Variants in ASTN2 observed in about 807,000 individuals in gnomAD.
ASTN2 encodes the protein astrotactin 2.
Under a neutral mutation model 139.8 loss-of-function variants are expected in ASTN2, and 54 were observed. That is an observed-to-expected ratio of 0.39 (90% CI 0.31 to 0.48). The LOEUF (loss-of-function observed/expected upper bound fraction) is 0.48, where lower values mean the gene tolerates loss of function less well. Ranked by LOEUF, ASTN2 falls within the 20% of genes least tolerant of loss-of-function variation. ASTN2 has a pLI of 0.95. For missense variants in ASTN2, 1,565 were observed against 1,725.1 expected (o/e 0.91, Z 1.64); for synonymous variants, 756 against 719.5 (o/e 1.05, Z -0.81).
chr9:116,501,193 A>G (rs1242120343), intron 19 of ASTN2, among the ~76,000 whole-genome samples: 1 of 152,216 alleles, frequency 6.6e-6, no homozygotes, highest in African/African-American at 2.4e-5. Flanking sequence ...AATCTCTGGG[A>G]ACCCAAAAGC....
intron 22 of ASTN2, among the ~76,000 whole-genome samples, chr9:116,427,971 C>T (rs1847362163): frequency 6.6e-6 from 1 of 152,180 alleles, no homozygotes; most frequent in Admixed American, 6.5e-5. Context: ...AAAAATGAGG[C>T]TGTTGTGAAG....
At chr9:116,827,428 G>T (rs1183316283) in intron 11 of ASTN2, among the ~76,000 whole-genome samples, 1 of 150,656 alleles carries the variant, frequency 6.6e-6, no homozygotes, top group Non-Finnish European at 1.5e-5. Flanking sequence ...GACCCAAAAA[G>T]CAATGCAAAG....
At chr9:117,374,480 G>C (rs1382219556) in intron 1 of ASTN2, among the ~76,000 whole-genome samples, 1 of 151,736 alleles carries the variant, frequency 6.6e-6, no homozygotes, top group African/African-American at 2.4e-5. Flanking sequence ...ACTTAATCTG[G>C]ACCACAATAA....
At chr9:116,784,716 A>C (rs981564503) in intron 13 of ASTN2, among the ~76,000 whole-genome samples, 2 of 152,000 alleles carry the variant, frequency 1.3e-5, no homozygotes, top group African/African-American at 2.4e-5. Flanking sequence ...AATCACCTGA[A>C]GTTGGGAGTT....
chr9:117,330,729 C>T (rs541193277), intron 1 of ASTN2, among the ~76,000 whole-genome samples: 1 of 152,308 alleles, frequency 6.6e-6, no homozygotes, highest in South Asian at 2.1e-4. Context: ...TAATAGGAAA[C>T]CCCAAATTCA....
intron 20 of ASTN2, among the ~76,000 whole-genome samples, chr9:116,462,617 C>G (rs1848522076): frequency 2.0e-5 from 3 of 152,132 alleles, no homozygotes; most frequent in Admixed American, 2.0e-4. Context: ...TCACTGTTGA[C>G]TCCCTGACTC....
intron 13 of ASTN2, among the ~76,000 whole-genome samples, chr9:116,803,465 A>G (rs942221341): frequency 6.6e-5 from 9 of 136,148 alleles, no homozygotes; most frequent in East Asian, 2.1e-4. Flanking sequence ...ACAGACATGT[A>G]CCACCAAGTT....
intron 6 of ASTN2, among the ~76,000 whole-genome samples, chr9:117,015,793 T>C (rs780621000): frequency 1.8e-4 from 28 of 152,146 alleles, no homozygotes; most frequent in Non-Finnish European, 2.6e-4. Flanking sequence ...CTGAAGAAGA[T>C]AGCAACTTGG....
chr9:117,086,593 A>G (rs1383414480), intron 5 of ASTN2, among the ~76,000 whole-genome samples: 1 of 151,960 alleles, frequency 6.6e-6, no homozygotes, highest in Non-Finnish European at 1.5e-5. Flanking sequence ...ACAAACAAAA[A>G]CAAAACACCC....
At chr9:116,818,832 G>A (rs1321170209) in intron 12 of ASTN2, among the ~76,000 whole-genome samples, 3 of 152,110 alleles carry the variant, frequency 2.0e-5, no homozygotes, top group South Asian at 2.1e-4. Flanking sequence ...AGAAAACTGA[G>A]GCACAGAGAC....
At position 117,263,841 on chromosome 9, in the gene ASTN2, T is replaced by A. The variant is rs182565791; in HGVS notation, c.630+27485A>T. 2.6e-5 allele frequency among the ~76,000 whole-genome samples: 4 copies of A among 152,268 alleles called. No homozygotes were observed. In the East Asian group the frequency reaches 5.8e-4, roughly 22 times the overall value. On this transcript the variant is annotated intron_variant, in intron 2 of 22. Coordinates refer to ENST00000313400, the MANE Select transcript of ASTN2 (RefSeq NM_001365068.1). Reference sequence around the variant, plus strand: ...TGTAGTGACTATTCAAATCAGAACATCCTGTCCTCGGTGGGACACGTTTAT... The same window carrying A: ...TGTAGTGACTATTCAAATCAGAACAACCTGTCCTCGGTGGGACACGTTTAT...
intron 19 of ASTN2, among the ~76,000 whole-genome samples, chr9:116,615,189 C>A (rs1291394495): frequency 6.6e-6 from 1 of 152,134 alleles, no homozygotes; most frequent in Non-Finnish European, 1.5e-5. Context: ...CATCTCACAC[C>A]AGTTAGAATG....
intron 13 of ASTN2, among the ~76,000 whole-genome samples, chr9:116,772,105 A>AC (rs1236075991): frequency 6.6e-6 from 1 of 152,214 alleles, no homozygotes; most frequent in Non-Finnish European, 1.5e-5. Flanking sequence ...AGGACTGAAA[A>AC]AGTTGATAAG....
chr9:116,914,371 C>T (rs1336210217), intron 10 of ASTN2, among the ~76,000 whole-genome samples: 2 of 151,990 alleles, frequency 1.3e-5, no homozygotes, highest in Admixed American at 6.6e-5. Flanking sequence ...AGGACAACAG[C>T]TCTGAACTTC....
intron 11 of ASTN2, among the ~76,000 whole-genome samples, chr9:116,835,538 G>T (rs191462465): frequency 5.9e-5 from 9 of 152,176 alleles, no homozygotes; most frequent in Admixed American, 3.9e-4. Flanking sequence ...ACTAAAAGAC[G>T]TCAAAGGAAC....
chr9:116,710,270 C>T (rs1828112450), intron 16 of ASTN2, among the ~76,000 whole-genome samples: 1 of 152,138 alleles, frequency 6.6e-6, no homozygotes. Context: ...CCCTAGAAAG[C>T]TTCATTATGT....
chr9:117,042,986 T>G (rs538134370), intron 5 of ASTN2, among the ~76,000 whole-genome samples: 17 of 152,224 alleles, frequency 1.1e-4, no homozygotes, highest in African/African-American at 4.1e-4. Context: ...TTCTCCTGCC[T>G]CAGCCTCCCA....
At chr9:116,849,062 G>C (rs545754138) in intron 11 of ASTN2, among the ~76,000 whole-genome samples, 1 of 152,226 alleles carries the variant, frequency 6.6e-6, no homozygotes, top group South Asian at 2.1e-4. Context: ...TATTATAAAG[G>C]ATATACCAAT....
At chr9:116,962,206 A>T (rs1835893343) in intron 10 of ASTN2, among the ~76,000 whole-genome samples, 1 of 152,150 alleles carries the variant, frequency 6.6e-6, no homozygotes, top group East Asian at 1.9e-4. Context: ...CTCACCTGGG[A>T]CTTGTTCTCT....
Sources: allele counts gnomAD v4.1 joint callset (sites outside exome capture counted in the v4.1 genomes callset), GRCh38; gene constraint gnomAD v4.1.1; transcripts MANE v1.5; gene names NCBI Gene and HGNC (gene_info 2026-07-23, HGNC 2026-07-21).